Variants in ANO3 observed in about 807,000 individuals in gnomAD.
ANO3 encodes the protein anoctamin-3.
ANO3 carries 99 observed loss-of-function variants against 144.8 expected under a neutral mutation model. The ratio of observed to expected loss-of-function variants is 0.68; its 90% confidence interval spans 0.58 to 0.81. ANO3 has a LOEUF of 0.81. ANO3 is among the 30% of genes least tolerant of loss of function. The pLI, the probability that ANO3 is intolerant of heterozygous loss-of-function variation, is 0.00. For synonymous variants in ANO3, 414 were observed against 392.6 expected (o/e 1.05, Z -0.64); for missense variants, 905 against 1,202.2 (o/e 0.75, Z 3.66).
At chr11:26,613,963 T>A (rs1275051498) in intron 17 of ANO3, among the ~76,000 whole-genome samples, 1 of 152,112 alleles carries the variant, frequency 6.6e-6, no homozygotes, top group Non-Finnish European at 1.5e-5. Flanking sequence ...ATGGGTGTAA[T>A]GGCACTGGGT....
chr11:26,301,980 A>G (rs1854244074), intron 1 of ANO3, among the ~76,000 whole-genome samples: 2 of 152,164 alleles, frequency 1.3e-5, no homozygotes, highest in African/African-American at 4.8e-5. Context: ...TAATATCCCA[A>G]ATCGAAAAGT....
intron 14 of ANO3, 82 bp downstream of exon 14, chr11:26,559,861 CACACACA>C (rs1324402383): frequency 8.8e-6 from 8 of 910,124 alleles, no homozygotes; most frequent in Non-Finnish European, 7.2e-6. Flanking sequence ...CACACACACA[CACACACA>C]CACACACCAT....
chr11:26,452,666 A>T (rs1172565823), intron 3 of ANO3, among the ~76,000 whole-genome samples: 2 of 152,252 alleles, frequency 1.3e-5, no homozygotes, highest in African/African-American at 4.8e-5. Context: ...GCAGGATATT[A>T]TCCAGGAGAA....
At chr11:26,275,866 T>G (rs761673982) in intron 1 of ANO3, among the ~76,000 whole-genome samples, 1 of 152,190 alleles carries the variant, frequency 6.6e-6, no homozygotes, top group Non-Finnish European at 1.5e-5. Flanking sequence ...TAAATAATCT[T>G]GCTTTTAATT....
intron 1 of ANO3, among the ~76,000 whole-genome samples, chr11:26,388,807 T>C (rs1856800943): frequency 6.6e-6 from 1 of 152,112 alleles, no homozygotes; most frequent in African/African-American, 2.4e-5. Context: ...GAATTAAGCA[T>C]GTATAAATAA....
chr11:26,356,529 A>T (rs1855789545), intron 1 of ANO3, among the ~76,000 whole-genome samples: 2 of 151,856 alleles, frequency 1.3e-5, no homozygotes, highest in African/African-American at 4.8e-5. Context: ...CTTTTATTTC[A>T]CTCAATATAA....
intron 3 of ANO3, among the ~76,000 whole-genome samples, chr11:26,457,256 GT>G (rs34353440): frequency 0.94 from 140,518 of 149,810 alleles, 66,085 homozygotes; most frequent in East Asian, 1. Flanking sequence ...AAACCTGCAC[GT>G]TTTTGCACAT....
At chr11:26,284,744 A>AAT (rs1853761518) in intron 1 of ANO3, among the ~76,000 whole-genome samples, 1 of 151,956 alleles carries the variant, frequency 6.6e-6, no homozygotes, top group South Asian at 2.1e-4. Flanking sequence ...CTAAAAAAAA[A>AAT]ATACAAAAAA....
chr11:26,499,447 T>C (rs1861100762), intron 4 of ANO3, among the ~76,000 whole-genome samples: 1 of 151,736 alleles, frequency 6.6e-6, no homozygotes, highest in Admixed American at 6.6e-5. Context: ...CACTTAAATC[T>C]TTAATCCTTT....
At position 26,507,998 on chromosome 11, in the gene ANO3, T is replaced by C. The variant is rs1178758063; in HGVS notation, c.433-106T>C. The C allele has an allele frequency of 1.1e-5, 11 of 979,666 alleles. No individual in the cohort carries two copies. In the Admixed American group the frequency reaches 3.6e-4, roughly 32 times the overall value. 60.7% of individuals were successfully genotyped at this position (979,666 alleles called of 1,614,324 possible). ...TATCTCATGGTAGGAATATTAAAAA[T>C]ACATTTTTTGATATTGTATTGCCAG... is the stretch of plus-strand genomic sequence containing the variant. On this transcript the variant is annotated intron_variant, in intron 4 of 26. Coordinates refer to ENST00000256737, the MANE Select transcript of ANO3 (RefSeq NM_031418.4).
chr11:26,499,912 C>T (rs2134121979), intron 4 of ANO3, among the ~76,000 whole-genome samples: 1 of 151,960 alleles, frequency 6.6e-6, no homozygotes, highest in Non-Finnish European at 1.5e-5. Context: ...AATTTTAAAA[C>T]ATTTTGATTC....
intron 14 of ANO3, among the ~76,000 whole-genome samples, chr11:26,581,281 C>T (rs1851121437): frequency 1.4e-5 from 2 of 147,722 alleles, no homozygotes; most frequent in Non-Finnish European, 1.5e-5. Context: ...TGCCAGTTCT[C>T]TTCTTTGGAA....
At chr11:26,613,930 T>C (rs555484731) in intron 17 of ANO3, among the ~76,000 whole-genome samples, 5 of 152,310 alleles carry the variant, frequency 3.3e-5, no homozygotes, top group South Asian at 4.1e-4. Flanking sequence ...AGGCTGGCTG[T>C]CAGAAGCCAA....
intron 1 of ANO3, among the ~76,000 whole-genome samples, chr11:26,368,615 T>C (rs939301539): frequency 9.3e-5 from 14 of 151,152 alleles, no homozygotes; most frequent in Non-Finnish European, 2.1e-4. Flanking sequence ...GATTGAGAGA[T>C]AGAGACAGAG....
rs147993260 is a variant in ANO3 at position 26,250,860 on chromosome 11, G to A, written c.155-58785G>A. ...ATAGCATAAGTCAAAAATGCATTTA[G>A]TACATCTACCTACTAAATATAGCTA... On this transcript the variant is annotated intron_variant, in intron 1 of 27. Transcript: ENST00000672621. 3.0e-3 allele frequency among the ~76,000 whole-genome samples: 452 copies of A among 152,232 alleles called. 1 individual carries two copies. Among genetic ancestry groups the A allele is most frequent in the African/African-American group, 0.01 (432 of 41,538 alleles).
chr11:26,650,451 T>C (rs374372523), intron 24 of ANO3, among the ~76,000 whole-genome samples: 76 of 87,428 alleles, frequency 8.7e-4, no homozygotes, highest in African/African-American at 2.2e-3. Context: ...GTCCATGAAG[T>C]CGATGCGATT....
At chr11:26,460,017 T>G (rs1590379582) in intron 3 of ANO3, 1 of 417,530 alleles carries the variant, frequency 2.4e-6, no homozygotes, top group Non-Finnish European at 4.7e-6. Flanking sequence ...TGCGCCTCCA[T>G]GATCCAAACA....
At chr11:26,242,923 T>C (rs967786596) in intron 1 of ANO3, among the ~76,000 whole-genome samples, 3 of 152,224 alleles carry the variant, frequency 2.0e-5, no homozygotes, top group African/African-American at 7.2e-5. Flanking sequence ...GTATGAAGAA[T>C]TAAGCAACAT....
intron 1 of ANO3, among the ~76,000 whole-genome samples, chr11:26,429,334 T>G (rs72886232): frequency 6.6e-6 from 1 of 151,810 alleles, no homozygotes; most frequent in Non-Finnish European, 1.5e-5. Flanking sequence ...TCAAGGGATA[T>G]CACTTAAGCT....
Sources: gnomAD v4.1 joint callset for allele counts (sites outside exome capture counted in the v4.1 genomes callset) on GRCh38, gnomAD v4.1.1 for gene constraint, MANE v1.5 for transcripts, NCBI Gene and HGNC (gene_info 2026-07-23, HGNC 2026-07-21) for gene names.